The following INTS1 variants were observed in gnomAD, a reference collection of about 807,000 sequenced individuals.
INTS1 encodes integrator complex subunit 1.
In INTS1, 137 loss-of-function variants were observed where a neutral mutation model predicts 241.6. That is an observed-to-expected ratio of 0.57 (90% CI 0.49 to 0.65). The LOEUF (loss-of-function observed/expected upper bound fraction) is 0.65, where lower values mean the gene tolerates loss of function less well. INTS1 is among the 30% of genes least tolerant of loss of function. The probability of loss-of-function intolerance (pLI) is 0.00; values close to 1 mark genes in which losing one functional copy is unlikely to be tolerated. For missense variants in INTS1, 3,073 were observed against 3,032.2 expected (o/e 1.01, Z -0.32); for synonymous variants, 1,692 against 1,337.8 (o/e 1.26, Z -5.78).
chr7:1,498,301 T>C, intron 10 of INTS1, 111 bp downstream of exon 10: 7 of 1,484,738 alleles, frequency 4.7e-6, no homozygotes, highest in Non-Finnish European at 4.5e-6. Flanking sequence ...CCGAGGAGCA[T>C]TCTCCCACGA....
intron 32 of INTS1, 36 bp from the exon 33 acceptor site, chr7:1,478,542 GC>G: frequency 6.3e-7 from 1 of 1,598,890 alleles, no homozygotes; most frequent in South Asian, 1.1e-5. Flanking sequence ...TGTGGCTCCA[GC>G]CCTCACCCCA....
intron 43 of INTS1, 137 bp from the exon 44 acceptor site, chr7:1,472,523 A>C (rs1206364156): frequency 2.6e-5 from 16 of 609,844 alleles, no homozygotes; most frequent in Non-Finnish European, 4.5e-5. Flanking sequence ...AGCGCTCCAC[A>C]AATGGGGTGG....
rs549324651 is a variant in INTS1 at position 1,496,241 on chromosome 7, G to A, written c.1626C>T (p.Thr542=). Residue 542 remains threonine (T), a synonymous_variant, in exon 12 of 48, where the codon ACC becomes ACT. Transcript: ENST00000404767. ...EFKERFVVHI[T]DVLAVSMMLG... is the part of the protein sequence containing the mutation. Reference sequence around the variant, plus strand: ...GCATCATGGACACGGCCAGGACGTCGGTGATGTGCACCACGAAGCGCTCCT... The same window carrying A: ...GCATCATGGACACGGCCAGGACGTCAGTGATGTGCACCACGAAGCGCTCCT... 70 of 1,613,738 alleles carry A rather than the reference G, an allele frequency of 4.3e-5. No homozygotes were observed. Among genetic ancestry groups the A allele is most frequent in the Non-Finnish European group, 5.5e-5 (65 of 1,179,794 alleles).
intron 27 of INTS1, 112 bp downstream of exon 27, chr7:1,482,434 G>T: frequency 2.8e-6 from 3 of 1,068,670 alleles, no homozygotes; most frequent in South Asian, 1.6e-5. Flanking sequence ...AGGCTACCCG[G>T]CCAGTCTTCT....
At chr7:1,474,632 G>T in intron 40 of INTS1, 73 bp downstream of exon 40, 1 of 1,478,628 alleles carries the variant, frequency 6.8e-7, no homozygotes, top group Non-Finnish European at 9.0e-7. Flanking sequence ...TGCTCTTGTT[G>T]CCCAGGCTGG....
At chr7:1,499,391 G>GCC in intron 6 of INTS1, 31 bp from the exon 7 acceptor site, 1 of 1,551,138 alleles carries the variant, frequency 6.4e-7, no homozygotes, top group South Asian at 1.2e-5. Context: ...TCCATGCAGC[G>GCC]CCTCCCACCC....
Position 1,478,845 on chromosome 7 carries a change from AG to A in INTS1, c.4369del (p.Leu1457Ter). 1 of 1,610,772 alleles carries A rather than the reference AG, an allele frequency of 6.2e-7. No individual in the cohort carries two copies. Among genetic ancestry groups the A allele is most frequent in the South Asian group, 1.1e-5 (1 of 90,816 alleles). ...CTGCAGCATCTGCAGGAGCACCTTCAGGAAGAGCGAGGAGAAGCCGGTGTCC... is the reference window on the plus strand; with the variant it reads ...CTGCAGCATCTGCAGGAGCACCTTCAGAAGAGCGAGGAGAAGCCGGTGTCC... ...PQDTGFSSLF[L>X]KVLLQMLQWL... On this transcript the variant is annotated frameshift_variant, in exon 32 of 48. Coordinates refer to ENST00000404767, the MANE Select transcript of INTS1 (RefSeq NM_001080453.3). LOFTEE classifies it high-confidence loss of function.
At chr7:1,471,913 C>T (rs914929214) in intron 44 of INTS1, among the ~76,000 whole-genome samples, 6 of 152,214 alleles carry the variant, frequency 3.9e-5, no homozygotes, top group East Asian at 1.9e-4. Flanking sequence ...CCCCACGGCC[C>T]GACTCCATCC....
At chr7:1,484,676 A>G (rs1043300154) in intron 24 of INTS1, among the ~76,000 whole-genome samples, 3 of 152,246 alleles carry the variant, frequency 2.0e-5, no homozygotes, top group African/African-American at 7.2e-5. Flanking sequence ...CGTCGGGGAG[A>G]AGGCTGATGG....
rs759229238 is a variant in INTS1 at position 1,504,376 on chromosome 7, C to T, written c.-95G>A. 4.1e-6 allele frequency: 2 copies of T among 484,260 alleles called. No homozygotes were observed. Among genetic ancestry groups the T allele is most frequent in the Non-Finnish European group, 8.1e-6 (2 of 246,900 alleles). 30.0% of individuals were successfully genotyped at this position (484,260 alleles called of 1,614,324 possible). A position where few individuals can be genotyped will look rare whatever the true frequency, so the allele number is the denominator to read the frequency against. On this transcript the variant is annotated 5_prime_UTR_variant, in exon 1 of 48. Transcript: ENST00000404767. The stretch of plus-strand genomic sequence containing the variant: ...CGCCGCCACCCGGCCACCCCGGAAT[C>T]GGAAACCGATCTCACCGCCCTCGAG...
Position 1,480,897 on chromosome 7 carries a change from C to T in INTS1, c.3887G>A (p.Arg1296His), listed in dbSNP as rs200173262. The T allele has an allele frequency of 2.6e-6, 4 of 1,563,820 alleles. No homozygotes were observed. The highest frequency in any genetic ancestry group is 3.5e-6 in the Non-Finnish European group (4 of 1,155,318). Residue 1296 changes from arginine to histidine, a missense_variant, in exon 29 of 48, where the codon CGC becomes CAC. Transcript: ENST00000404767. Reference sequence around the variant, plus strand: ...GAAAGTCTGGCCTCCGGAGGCGCCGCGCTCATGCTGGACCTCCACCAGGTG... The same window carrying T: ...GAAAGTCTGGCCTCCGGAGGCGCCGTGCTCATGCTGGACCTCCACCAGGTG... ...MAHLVEVQHE[R>H]GASGGQTFHS...
chr7:1,488,468 G>C (rs552394176), intron 18 of INTS1, among the ~76,000 whole-genome samples: 28 of 152,066 alleles, frequency 1.8e-4, no homozygotes, highest in Admixed American at 1.8e-3. Context: ...CTTCAGAGGT[G>C]GGGGGAAGCA....
At chr7:1,496,366 CGG>C (rs1782856655) in intron 11 of INTS1, 102 bp from the exon 12 acceptor site, 1 of 463,376 alleles carries the variant, frequency 2.2e-6, no homozygotes, top group African/African-American at 2.6e-5. Context: ...AAGGGACACC[CGG>C]GAGCCCCACT....
intron 44 of INTS1, 152 bp from the exon 45 acceptor site, chr7:1,471,793 T>G: frequency 1.5e-6 from 1 of 686,078 alleles, no homozygotes; most frequent in East Asian, 2.7e-5. Context: ...GGCAGTCACC[T>G]GCCCCCAAGC....
At chr7:1,473,781 G>T in intron 41 of INTS1, 88 bp from the exon 42 acceptor site, 1 of 1,526,854 alleles carries the variant, frequency 6.5e-7, no homozygotes. Flanking sequence ...AGAGCCTCAG[G>T]GCATGGACCC....
rs1781632139 is a variant in INTS1 at position 1,474,747 on chromosome 7, G to A, written c.5594C>T (p.Ala1865Val). Residue 1865 changes from alanine (A) to valine (V), a missense_variant, in exon 40 of 48, where the codon GCC becomes GTC. Coordinates refer to ENST00000404767, the MANE Select transcript of INTS1 (RefSeq NM_001080453.3). ...LENRGADASMACRKLAVAHPL... is the reference protein window; with the variant it reads ...LENRGADASMVCRKLAVAHPL... ...GTGCGCCACCGCCAGCTTCCGGCAGGCCATGCTGGCATCCGCCCCTCGGTT... is the reference window on the plus strand; with the variant it reads ...GTGCGCCACCGCCAGCTTCCGGCAGACCATGCTGGCATCCGCCCCTCGGTT... 1.3e-6 allele frequency: 2 copies of A among 1,565,460 alleles called. No homozygotes were observed. Among genetic ancestry groups the A allele is most frequent in the East Asian group, 4.7e-5 (2 of 42,110 alleles).
At position 1,477,663 on chromosome 7, in the gene INTS1, C is replaced by A; in HGVS notation, c.4825G>T (p.Val1609Leu). Residue 1609 changes from valine (V) to leucine (L), a missense_variant, in exon 35 of 48, where the codon GTG becomes TTG. Transcript: ENST00000404767. Reference protein sequence around the residue: ...PGADGGSLEAVRLGPSSGLLV... With the variant: ...PGADGGSLEALRLGPSSGLLV... ...AGGCCTGACGAGGGCCCCAGCCGCA[C>A]GGCCTCCAGGCTGCAGGGAGAAGGT... 3.8e-6 allele frequency: 6 copies of A among 1,594,798 alleles called. No individual in the cohort carries two copies. The highest frequency in any genetic ancestry group is 5.1e-6 in the Non-Finnish European group (6 of 1,171,222).
rs369493261 is a variant in INTS1, at chr7:1,474,148, C to T, written c.5829+20G>A. 6 of 1,541,152 alleles carry T rather than the reference C, an allele frequency of 3.9e-6. No individual in the cohort carries two copies. The highest frequency in any genetic ancestry group is 2.0e-4 in the Middle Eastern group (1 of 5,028). On this transcript the variant is annotated intron_variant, in intron 41 of 47. Transcript: ENST00000404767. ...GAGGGAGTGGAAGGGAGCGCGAGGGCGGGCGGCGGGAGCACACACCAGCAG... is the reference window on the plus strand; with the variant it reads ...GAGGGAGTGGAAGGGAGCGCGAGGGTGGGCGGCGGGAGCACACACCAGCAG...
intron 5 of INTS1, 35 bp downstream of exon 5, chr7:1,499,849 C>T: frequency 2.5e-6 from 4 of 1,598,640 alleles, no homozygotes; most frequent in Non-Finnish European, 3.4e-6. Context: ...CCGTGGCGCT[C>T]TGCCATCTTC....
Sources: allele counts gnomAD v4.1 joint callset (sites outside exome capture counted in the v4.1 genomes callset), GRCh38; gene constraint gnomAD v4.1.1; transcripts MANE v1.5; gene names NCBI Gene and HGNC (gene_info 2026-07-23, HGNC 2026-07-21).